The following SLC2A13 variants were observed in gnomAD, a reference collection of about 807,000 sequenced individuals.
The protein encoded by SLC2A13 is proton myo-inositol cotransporter.
SLC2A13 carries 32 observed loss-of-function variants against 64.4 expected under a neutral mutation model. The observed-to-expected ratio is 0.50, with a 90% CI of 0.37 to 0.67. The LOEUF (loss-of-function observed/expected upper bound fraction) is 0.67, where lower values mean the gene tolerates loss of function less well. Among genes scored for constraint, SLC2A13 ranks in the 30% least tolerant of loss-of-function variants. The pLI, the probability that SLC2A13 is intolerant of heterozygous loss-of-function variation, is 0.00. For missense variants in SLC2A13, 743 were observed against 829.2 expected, an observed-to-expected ratio of 0.90 and a Z score of 1.28; for synonymous variants, 338 against 327.1, an observed-to-expected ratio of 1.03 and a Z score of -0.36.
In SLC2A13 at chr12:39,759,744, G is replaced by T; in HGVS notation, c.*282C>A. ...AAAAAGGATACCACTGAAGTCACTG[G>T]GTACAATATTCATTTTAGACTATTT... On this transcript the variant is annotated 3_prime_UTR_variant, in exon 10 of 10. Transcript: ENST00000280871. 3.0e-6 allele frequency: 1 copy of T among 333,996 alleles called. No homozygotes were observed. The highest frequency in any genetic ancestry group is 2.2e-5 in the African/African-American group (1 of 46,228). 20.7% of individuals were successfully genotyped at this position (333,996 alleles called of 1,614,324 possible). A position where few individuals can be genotyped will look rare whatever the true frequency, so the allele number is the denominator to read the frequency against.
At chr12:39,998,903 T>TGA (rs1314595052) in intron 3 of SLC2A13, among the ~76,000 whole-genome samples, 1 of 152,144 alleles carries the variant, frequency 6.6e-6, no homozygotes, top group East Asian at 1.9e-4. Flanking sequence ...AGAGACCTGG[T>TGA]GAGAGAGCAC....
chr12:40,049,596 A>G (rs1948222510), intron 1 of SLC2A13, among the ~76,000 whole-genome samples: 1 of 152,118 alleles, frequency 6.6e-6, no homozygotes, highest in Admixed American at 6.6e-5. Context: ...ACAGTCAGAA[A>G]GGCCCACCTC....
chr12:40,072,409 T>C (rs899698659), intron 1 of SLC2A13, among the ~76,000 whole-genome samples: 5 of 152,140 alleles, frequency 3.3e-5, no homozygotes, highest in Non-Finnish European at 5.9e-5. Context: ...TCCAGTTGAG[T>C]AATGGTGTTG....
intron 3 of SLC2A13, among the ~76,000 whole-genome samples, chr12:39,996,295 A>C (rs1189701581): frequency 2.0e-5 from 3 of 152,236 alleles, no homozygotes; most frequent in African/African-American, 7.2e-5. Flanking sequence ...ATTTCTAAGC[A>C]GCAAAGCATT....
chr12:39,902,320 C>T (rs1009892171), intron 4 of SLC2A13, among the ~76,000 whole-genome samples: 2 of 150,758 alleles, frequency 1.3e-5, no homozygotes, highest in African/African-American at 2.4e-5. Flanking sequence ...TGCAAATGTA[C>T]CCTAAAAATT....
At chr12:39,770,331 T>C (rs1286229318) in intron 7 of SLC2A13, among the ~76,000 whole-genome samples, 1 of 152,174 alleles carries the variant, frequency 6.6e-6, no homozygotes, top group Admixed American at 6.5e-5. Context: ...GATCCTGCCA[T>C]GGCCTCAAAT....
intron 3 of SLC2A13, among the ~76,000 whole-genome samples, chr12:39,964,734 T>C (rs903603467): frequency 2.0e-5 from 3 of 152,154 alleles, no homozygotes; most frequent in Non-Finnish European, 2.9e-5. Context: ...ATTTTTCTCA[T>C]AAAGACAATC....
intron 4 of SLC2A13, among the ~76,000 whole-genome samples, chr12:39,899,840 G>C (rs2136012661): frequency 6.6e-6 from 1 of 152,252 alleles, no homozygotes; most frequent in African/African-American, 2.4e-5. Context: ...ACTGTGGTCT[G>C]AGAGACAGTT....
At chr12:39,965,070 A>G (rs184486295) in intron 3 of SLC2A13, among the ~76,000 whole-genome samples, 24 of 152,352 alleles carry the variant, frequency 1.6e-4, no homozygotes, top group Middle Eastern at 3.4e-3. Flanking sequence ...ACAAGATATA[A>G]TATTTCCCAA....
At position 39,864,869 on chromosome 12, in the gene SLC2A13, T is replaced by C. The variant is rs148939733; in HGVS notation, c.1212A>G (p.Ala404=). ...CAAATCCCAAGGCAAGAATAATGAG[T>C]GCTACGGTGGTACCTTAAAAAAAAA... ...TFGSLAGTTV[A]LIILALGFVL... is the part of the protein sequence containing the mutation. The change falls in exon 6 of 10, where the codon GCA becomes GCG. Residue 404 remains alanine, a synonymous_variant. Transcript: ENST00000280871. 22 of 1,612,584 alleles carry C rather than the reference T, an allele frequency of 1.4e-5. No individual in the cohort carries two copies. The highest frequency in any genetic ancestry group is 1.9e-5 in the Non-Finnish European group (22 of 1,179,720).
intron 4 of SLC2A13, among the ~76,000 whole-genome samples, chr12:39,919,362 T>C (rs1565541863): frequency 6.6e-6 from 1 of 152,108 alleles, no homozygotes; most frequent in Non-Finnish European, 1.5e-5. Flanking sequence ...GATAACTGTG[T>C]GATTATGGAC....
At chr12:39,833,224 G>A (rs1592183640) in intron 6 of SLC2A13, among the ~76,000 whole-genome samples, 2 of 152,248 alleles carry the variant, frequency 1.3e-5, no homozygotes, top group South Asian at 4.1e-4. Context: ...ACAGAGCTGA[G>A]AAGTTGTAAC....
At chr12:39,784,119 G>A (rs950417168) in intron 7 of SLC2A13, among the ~76,000 whole-genome samples, 1 of 152,206 alleles carries the variant, frequency 6.6e-6, no homozygotes, top group Non-Finnish European at 1.5e-5. Flanking sequence ...TGGATAGGAA[G>A]AATCAATATC....
At chr12:39,998,628 C>T (rs1255148534) in intron 3 of SLC2A13, among the ~76,000 whole-genome samples, 2 of 152,228 alleles carry the variant, frequency 1.3e-5, no homozygotes, top group East Asian at 1.9e-4. Flanking sequence ...AATGCCTGTA[C>T]ACCCATTGTA....
At chr12:40,067,114 G>A (rs1937759549) in intron 1 of SLC2A13, among the ~76,000 whole-genome samples, 2 of 152,168 alleles carry the variant, frequency 1.3e-5, no homozygotes, top group South Asian at 4.1e-4. Context: ...ACTGCAAATC[G>A]AGGGTGATAC....
intron 4 of SLC2A13, among the ~76,000 whole-genome samples, chr12:39,895,307 G>A (rs1250621106): frequency 2.6e-5 from 4 of 151,530 alleles, no homozygotes; most frequent in South Asian, 4.2e-4. Context: ...TGGCTAATAC[G>A]GGGAAATCCC....
chr12:39,848,550 A>G (rs1396700416), intron 6 of SLC2A13, among the ~76,000 whole-genome samples: 1 of 152,176 alleles, frequency 6.6e-6, no homozygotes, highest in Non-Finnish European at 1.5e-5. Flanking sequence ...TGTGGAGAAA[A>G]GGGAATGCTA....
chr12:39,789,946 A>T (rs1204661975), intron 7 of SLC2A13, among the ~76,000 whole-genome samples: 2 of 152,150 alleles, frequency 1.3e-5, no homozygotes, highest in African/African-American at 4.8e-5. Context: ...TATCTTTAAT[A>T]TACAACATGA....
intron 4 of SLC2A13, among the ~76,000 whole-genome samples, chr12:39,944,173 G>C (rs1474192257): frequency 3.3e-5 from 5 of 152,192 alleles, no homozygotes; most frequent in African/African-American, 4.8e-5. Flanking sequence ...TTTTGGAGTT[G>C]ATTTCCAGTT....
Sources: gnomAD v4.1 joint callset for allele counts (sites outside exome capture counted in the v4.1 genomes callset) on GRCh38, gnomAD v4.1.1 for gene constraint, MANE v1.5 for transcripts, NCBI Gene and HGNC (gene_info 2026-07-23, HGNC 2026-07-21) for gene names.